The following TRNT1 variants were observed in gnomAD, a reference collection of about 807,000 sequenced individuals.
TRNT1 encodes tRNA nucleotidyl transferase 1, also known as CCA tRNA nucleotidyltransferase 1, mitochondrial.
Under a neutral mutation model 45.6 loss-of-function variants are expected in TRNT1, and 44 were observed. The ratio of observed to expected loss-of-function variants is 0.97; its 90% CI spans 0.76 to 1.24. The LOEUF is 1.24. Ranked by LOEUF, TRNT1 falls within the 50% of genes most tolerant of loss-of-function variation. The pLI, the probability that TRNT1 is intolerant of heterozygous loss-of-function variation, is 0.00. For missense variants in TRNT1, 633 were observed against 504.4 expected, an observed-to-expected ratio of 1.25 and a Z score of -2.44; for synonymous variants, 201 against 171.4, an observed-to-expected ratio of 1.17 and a Z score of -1.35.
chr3:3,128,006 G>A (rs1704708684), intron 1 of TRNT1: 1 of 152,324 alleles, frequency 6.6e-6, no homozygotes, highest in African/African-American at 2.4e-5. Flanking sequence ...GCTTTCCAGA[G>A]CTTATATACC....
chr3:3,131,279 G>A (rs1705002478), intron 2 of TRNT1: 1 of 152,046 alleles, frequency 6.6e-6, no homozygotes, highest in African/African-American at 2.4e-5. Context: ...TTCTGTGTAT[G>A]CCCTTCACAG....
chr3:3,146,628 G>C lies in TRNT1; in HGVS notation c.802+5G>C. ...TTGATGTGGCTCCTTATATAGGTGA[G>C]AGCAAGTTATAAAGTGTTTGAATTT... On this transcript the variant is annotated splice_donor_5th_base_variant and intron_variant, in intron 6 of 7. Transcript: ENST00000251607. The C allele has an allele frequency of 1.9e-6, 3 of 1,581,082 alleles. No individual in the cohort carries two copies. Among genetic ancestry groups the C allele is most frequent in the Non-Finnish European group, 2.6e-6 (3 of 1,165,660 alleles).
At chr3:3,133,218 A>ATTTT (rs1705122207) in intron 2 of TRNT1, among the ~76,000 whole-genome samples, 1 of 152,100 alleles carries the variant, frequency 6.6e-6, no homozygotes, top group Non-Finnish European at 1.5e-5. Flanking sequence ...TATTTTATGT[A>ATTTT]TCTTTTTGCT....
downstream of TRNT1, chr3:3,150,476 G>C (rs1706444026): frequency 1.9e-5 from 4 of 211,540 alleles, no homozygotes; most frequent in South Asian, 2.8e-4. Flanking sequence ...CATACATCAG[G>C]ATCAAATTAT....
intron 5 of TRNT1, chr3:3,145,370 G>GT (rs1364135430): frequency 6.6e-6 from 1 of 152,242 alleles, no homozygotes; most frequent in African/African-American, 2.4e-5. Flanking sequence ...AGGCATGGCG[G>GT]TGTGCGCCTG....
chr3:3,126,983 C>CGGGGCCGGTAAGCGGGCG lies in TRNT1; in HGVS notation c.-34_-28+11dup, dbSNP rs1266529110. ...GCGGCGGTGGCGGCTGCGGCAACAG[C>CGGGGCCGGTAAGCGGGCG]GGGGCCGGTAAGCGGGCGCGCGCCG... On this transcript the variant is annotated 5_prime_UTR_variant, in exon 1 of 8. Transcript: ENST00000251607. 1.3e-5 allele frequency: 2 copies of CGGGGCCGGTAAGCGGGCG among 152,954 alleles called. No homozygotes were observed. The highest frequency in any genetic ancestry group is 2.9e-5 in the Non-Finnish European group (2 of 68,654). 9.5% of individuals were successfully genotyped at this position (152,954 alleles called of 1,614,324 possible). A position where few individuals can be genotyped will look rare whatever the true frequency, so the allele number is the denominator to read the frequency against.
At chr3:3,137,857 A>T (rs1705424339) in intron 3 of TRNT1, among the ~76,000 whole-genome samples, 1 of 151,948 alleles carries the variant, frequency 6.6e-6, no homozygotes, top group Non-Finnish European at 1.5e-5. Flanking sequence ...CACGTTTATG[A>T]CTCTGTATTG....
chr3:3,151,610 C>G (rs1477604530), downstream of TRNT1, among the ~76,000 whole-genome samples: 3 of 151,928 alleles, frequency 2.0e-5, no homozygotes, highest in Non-Finnish European at 4.4e-5. Context: ...TATTTTTTTC[C>G]CTAGGTATAC....
At chr3:3,140,752 A>G (rs1705598548) in intron 4 of TRNT1, 104 bp downstream of exon 4, 1 of 1,400,764 alleles carries the variant, frequency 7.1e-7, no homozygotes, top group African/African-American at 1.4e-5. Context: ...AGTTGCATTA[A>G]TTTCTTCTAA....
chr3:3,136,426 A>T (rs76164518), intron 2 of TRNT1, among the ~76,000 whole-genome samples: 4,702 of 152,286 alleles, frequency 0.031, 151 homozygotes, highest in African/African-American at 0.085. Flanking sequence ...TACCTAGAGC[A>T]CAGATAGGAG....
intron 2 of TRNT1, 70 bp from the exon 3 acceptor site, chr3:3,137,190 T>A (rs1705378882): frequency 7.8e-7 from 1 of 1,288,338 alleles, no homozygotes; most frequent in Non-Finnish European, 1.1e-6. Context: ...AGCCTTGTAC[T>A]TTTGTGGTTA....
At chr3:3,146,345 G>A in intron 5 of TRNT1, 85 bp from the exon 6 acceptor site, 1 of 1,035,372 alleles carries the variant, frequency 9.7e-7, no homozygotes, top group Non-Finnish European at 1.4e-6. Context: ...AGATGTATGG[G>A]ATAGTACCAA....
At chr3:3,151,728 C>A (rs1706567075), downstream of TRNT1, among the ~76,000 whole-genome samples, 1 of 152,174 alleles carries the variant, frequency 6.6e-6, no homozygotes, top group South Asian at 2.1e-4. Flanking sequence ...CCCAGAGTAG[C>A]ATGTAATCCC....
rs898763583 is a variant in TRNT1, at chr3:3,148,679, G to A, written c.*525G>A. ...TGTCCCCAGTTGCTGGCATTCATAT[G>A]TACAGGATTTGTTCTAGCAAGCTAT... On this transcript the variant is annotated 3_prime_UTR_variant, in exon 8 of 8. Coordinates refer to ENST00000251607, the MANE Select transcript of TRNT1 (RefSeq NM_182916.3). 2 of 152,488 alleles carry A rather than the reference G, an allele frequency of 1.3e-5. No homozygotes were observed. The highest frequency in any genetic ancestry group is 3.8e-4 in the East Asian group (2 of 5,204). 9.4% of individuals were successfully genotyped at this position (152,488 alleles called of 1,614,324 possible).
Position 3,129,052 on chromosome 3 carries a change from C to T in TRNT1, c.12C>T (p.Cys4=). 6.2e-7 allele frequency: 1 copy of T among 1,610,378 alleles called. No homozygotes were observed. The highest frequency in any genetic ancestry group is 8.5e-7 in the Non-Finnish European group (1 of 1,177,814). ...GACTGCCTCTCCAGATGCTGAGGTG[C>T]CTGTATCATTGGCACAGGCCAGTGC... MLR[C]LYHWHRPVLN... is the part of the protein sequence containing the mutation. The change falls in exon 2 of 8, where the codon TGC becomes TGT. Residue 4 remains cysteine, a synonymous_variant. Transcript: ENST00000251607.
rs756973056 is a variant in TRNT1, at chr3:3,146,539, G to C, written c.718G>C (p.Val240Leu). 1 of 1,613,962 alleles carries C rather than the reference G, an allele frequency of 6.2e-7. No homozygotes were observed. The highest frequency in any genetic ancestry group is 1.1e-5 in the South Asian group (1 of 91,068). The part of the protein sequence containing the change: ...LAGISGERIW[V>L]ELKKILVGNH... Reference sequence around the variant, plus strand: ...TGGAATATCAGGAGAAAGGATTTGGGTGGAACTGAAAAAAATTCTTGTTGG... The same window carrying C: ...TGGAATATCAGGAGAAAGGATTTGGCTGGAACTGAAAAAAATTCTTGTTGG... Residue 240 changes from valine to leucine, a missense_variant, in exon 6 of 8, where the codon GTG becomes CTG. Transcript: ENST00000251607.
At position 3,146,457 on chromosome 3, in the gene TRNT1, T is replaced by C; in HGVS notation, c.636T>C (p.Pro212=). Residue 212 remains proline, a synonymous_variant, in exon 6 of 8, where the codon CCT becomes CCC. Coordinates refer to ENST00000251607, the MANE Select transcript of TRNT1 (RefSeq NM_182916.3). ...TTTATGGGAGAATTGTAGACAAACC[T>C]GGTGACCATGATCCTGAGACTTTGG... is the stretch of plus-strand genomic sequence containing the variant. ...FRFYGRIVDK[P]GDHDPETLEA... is the part of the protein sequence containing the mutation. 1 of 1,613,266 alleles carries C rather than the reference T, an allele frequency of 6.2e-7. No individual in the cohort carries two copies. Among genetic ancestry groups the C allele is most frequent in the Non-Finnish European group, 8.5e-7 (1 of 1,179,742 alleles).
intron 5 of TRNT1, among the ~76,000 whole-genome samples, chr3:3,145,773 A>T (rs1705971093): frequency 6.6e-6 from 1 of 152,096 alleles, no homozygotes; most frequent in South Asian, 2.1e-4. Context: ...TAGAACATAG[A>T]TTAAGACTTA....
At chr3:3,140,025 A>T (rs2126022053) in intron 3 of TRNT1, among the ~76,000 whole-genome samples, 1 of 152,198 alleles carries the variant, frequency 6.6e-6, no homozygotes, top group Middle Eastern at 3.4e-3. Flanking sequence ...CACCACCCCC[A>T]GCCTTTATTT....
Sources: allele counts gnomAD v4.1 joint callset (sites outside exome capture counted in the v4.1 genomes callset), GRCh38; gene constraint gnomAD v4.1.1; transcripts MANE v1.5; gene names NCBI Gene and HGNC (gene_info 2026-07-23, HGNC 2026-07-21).